ZCWPW2: variants seen among roughly 807,000 people sequenced by gnomAD.
ZCWPW2 encodes zinc finger CW-type PWWP domain protein 2.
In ZCWPW2, 45 loss-of-function variants were observed where a neutral mutation model predicts 46.6. That is an observed-to-expected ratio of 0.96 (90% CI 0.76 to 1.24). The LOEUF (loss-of-function observed/expected upper bound fraction) is 1.24, where lower values mean the gene tolerates loss of function less well. Among genes scored for constraint, ZCWPW2 ranks in the 50% most tolerant of loss-of-function variants. The pLI, the probability that ZCWPW2 is intolerant of heterozygous loss-of-function variation, is 0.00. For synonymous variants in ZCWPW2, 152 were observed against 137.1 expected, an observed-to-expected ratio of 1.11 and a Z score of -0.76; for missense variants, 429 against 403.9, an observed-to-expected ratio of 1.06 and a Z score of -0.53.
intron 3 of ZCWPW2, among the ~76,000 whole-genome samples, chr3:28,422,372 A>G (rs536390705): frequency 1.3e-5 from 2 of 152,160 alleles, no homozygotes; most frequent in African/African-American, 2.4e-5. Flanking sequence ...TGTTTCTCCT[A>G]TTTACCCTTC....
chr3:28,370,331 C>A (rs1272573649), intron 1 of ZCWPW2, among the ~76,000 whole-genome samples: 1 of 152,182 alleles, frequency 6.6e-6, no homozygotes, highest in African/African-American at 2.4e-5. Context: ...CGCATAACAA[C>A]CCTAAACTGG....
At chr3:28,369,874 G>C (rs190903494) in intron 1 of ZCWPW2, among the ~76,000 whole-genome samples, 1 of 152,282 alleles carries the variant, frequency 6.6e-6, no homozygotes, top group East Asian at 1.9e-4. Context: ...CCCTCCCCCA[G>C]CCTCGCTGCC....
intron 3 of ZCWPW2, among the ~76,000 whole-genome samples, chr3:28,423,069 A>C (rs36051688): frequency 0.22 from 33,677 of 151,962 alleles, 4,272 homozygotes; most frequent in Middle Eastern, 0.29. Flanking sequence ...CTTATTGTAA[A>C]GTTTGAAGAG....
At chr3:28,423,724 T>C (rs981664871) in intron 3 of ZCWPW2, among the ~76,000 whole-genome samples, 4 of 152,056 alleles carry the variant, frequency 2.6e-5, no homozygotes, top group African/African-American at 9.7e-5. Flanking sequence ...GCCCACACTT[T>C]TCCAACACTT....
chr3:28,404,189 GA>G (rs796751098), intron 2 of ZCWPW2, among the ~76,000 whole-genome samples: 47 of 143,890 alleles, frequency 3.3e-4, no homozygotes, highest in African/African-American at 9.4e-4. Context: ...AAATTAACAA[GA>G]AAAAAAAAAC....
chr3:28,469,710 G>A (rs918543846), intron 4 of ZCWPW2, among the ~76,000 whole-genome samples: 1 of 151,208 alleles, frequency 6.6e-6, no homozygotes, highest in East Asian at 1.9e-4. Context: ...ATGTATATGT[G>A]TGTATATATA....
intron 6 of ZCWPW2, among the ~76,000 whole-genome samples, chr3:28,510,837 G>C (rs1700406818): frequency 6.6e-6 from 1 of 152,168 alleles, no homozygotes; most frequent in South Asian, 2.1e-4. Context: ...TCCATGAGAA[G>C]ATGATGATGT....
intron 3 of ZCWPW2, among the ~76,000 whole-genome samples, chr3:28,417,145 G>A (rs181157307): frequency 6.7e-6 from 1 of 150,132 alleles, no homozygotes; most frequent in African/African-American, 2.5e-5. Flanking sequence ...GGATATCACT[G>A]CTAGCAAGAC....
intron 4 of ZCWPW2, among the ~76,000 whole-genome samples, chr3:28,466,815 AAAAAT>A (rs1208296921): frequency 3.3e-5 from 5 of 152,090 alleles, no homozygotes; most frequent in Admixed American, 6.6e-5. Context: ...AAATAAAAAT[AAAAAT>A]AAAACATGAG....
chr3:28,516,017 G>A (rs1225007151), intron 8 of ZCWPW2, among the ~76,000 whole-genome samples: 1 of 151,942 alleles, frequency 6.6e-6, no homozygotes, highest in East Asian at 1.9e-4. Context: ...AAAGCAGGAA[G>A]ATGACTTGAG....
At chr3:28,465,448 CTTGT>C (rs920626957) in intron 4 of ZCWPW2, among the ~76,000 whole-genome samples, 4 of 152,136 alleles carry the variant, frequency 2.6e-5, no homozygotes, top group Admixed American at 6.5e-5. Context: ...TTCAAACAAA[CTTGT>C]TTGTTAACTT....
At chr3:28,494,604 A>C (rs1388432035) in intron 6 of ZCWPW2, among the ~76,000 whole-genome samples, 1 of 148,712 alleles carries the variant, frequency 6.7e-6, no homozygotes, top group Non-Finnish European at 1.5e-5. Flanking sequence ...AAGGAAATAA[A>C]GGGTATTCAA....
At chr3:28,381,217 A>G (rs941337947) in intron 1 of ZCWPW2, among the ~76,000 whole-genome samples, 4 of 150,960 alleles carry the variant, frequency 2.6e-5, no homozygotes, top group African/African-American at 9.7e-5. Context: ...ACTATGCAGG[A>G]ATTGCTTGCC....
intron 6 of ZCWPW2, among the ~76,000 whole-genome samples, chr3:28,497,340 C>T (rs947113311): frequency 1.8e-4 from 27 of 151,378 alleles, no homozygotes; most frequent in Non-Finnish European, 4.4e-5. Context: ...GATTTAAATA[C>T]TTTAGATTAA....
rs1489671995 is a variant in ZCWPW2 at position 28,515,604 on chromosome 3, T to G, written c.767T>G (p.Leu256Ter). The change falls in exon 8 of 10, where the codon TTA becomes TGA. Residue 256 changes from leucine (L) to a stop codon, truncating the protein, a stop_gained. Coordinates refer to ENST00000383768, the MANE Select transcript of ZCWPW2 (RefSeq NM_001040432.4). LOFTEE classifies it high-confidence loss of function. The part of the protein sequence containing the change: ...SFENVYSDDA[L>*]SKENRVVCET... ...GAAAATGTTTATTCTGATGATGCCT[T>G]ATCAAAGGAGAACAGGGGTATGTGA... 2 of 1,612,764 alleles carry G rather than the reference T, an allele frequency of 1.2e-6. No individual in the cohort carries two copies. The highest frequency in any genetic ancestry group is 2.7e-5 in the African/African-American group (2 of 74,902).
chr3:28,486,092 C>CT (rs60890116), intron 5 of ZCWPW2, among the ~76,000 whole-genome samples: 28 of 152,144 alleles, frequency 1.8e-4, no homozygotes, highest in African/African-American at 6.7e-4. Flanking sequence ...ATCAGTTATA[C>CT]TTTTTTAAAA....
At chr3:28,479,255 T>C (rs1309408919) in intron 5 of ZCWPW2, among the ~76,000 whole-genome samples, 2 of 152,198 alleles carry the variant, frequency 1.3e-5, no homozygotes, top group Admixed American at 1.3e-4. Context: ...ATGGGAACCA[T>C]AGCTTTAAAT....
At chr3:28,352,009 C>G (rs1303845731) in intron 1 of ZCWPW2, among the ~76,000 whole-genome samples, 1 of 151,928 alleles carries the variant, frequency 6.6e-6, no homozygotes, top group African/African-American at 2.4e-5. Flanking sequence ...GAATACTACC[C>G]AAAATAAAAC....
At chr3:28,512,709 T>G (rs1412559995) in intron 6 of ZCWPW2, among the ~76,000 whole-genome samples, 1 of 152,120 alleles carries the variant, frequency 6.6e-6, no homozygotes, top group African/African-American at 2.4e-5. Context: ...CTTCAGTGTA[T>G]CTAATCAGCT....
Sources: allele counts gnomAD v4.1 joint callset (sites outside exome capture counted in the v4.1 genomes callset), GRCh38; gene constraint gnomAD v4.1.1; transcripts MANE v1.5; gene names NCBI Gene and HGNC (gene_info 2026-07-23, HGNC 2026-07-21).